The following DNAAF9 variants were observed in gnomAD, a reference collection of about 807,000 sequenced individuals.
The protein encoded by DNAAF9 is dynein axonemal assembly factor 9.
DNAAF9 carries 90 observed loss-of-function variants against 167.0 expected under a neutral mutation model. The observed-to-expected ratio is 0.54, with a 90% CI of 0.45 to 0.64. DNAAF9 has a LOEUF of 0.64. Ranked by LOEUF, DNAAF9 falls within the 30% of genes least tolerant of loss-of-function variation. The pLI, the probability that DNAAF9 is intolerant of heterozygous loss-of-function variation, is 0.00. For synonymous variants in DNAAF9, 491 were observed against 508.8 expected, an observed-to-expected ratio of 0.96 and a Z score of 0.47; for missense variants, 1,315 against 1,442.2, an observed-to-expected ratio of 0.91 and a Z score of 1.43.
chr20:3,294,085 G>T, intron 25 of DNAAF9, 54 bp downstream of exon 25: 7 of 974,678 alleles, frequency 7.2e-6, no homozygotes, highest in Non-Finnish European at 1.2e-5. Context: ...TCAGGGGCAG[G>T]CTCTCAAGAT....
intron 4 of DNAAF9, among the ~76,000 whole-genome samples, chr20:3,375,864 C>T (rs1436791447): frequency 6.6e-6 from 1 of 151,710 alleles, no homozygotes; most frequent in Non-Finnish European, 1.5e-5. Context: ...AAAAAAAAAT[C>T]CCAGGGCAGT....
rs1275787617 is a variant in DNAAF9 at position 3,294,646 on chromosome 20, T to C, written c.2019-17A>G. 5.2e-6 allele frequency: 8 copies of C among 1,531,472 alleles called. No individual in the cohort carries two copies. Among genetic ancestry groups the C allele is most frequent in the South Asian group, 1.1e-5 (1 of 89,486 alleles). The allele number at this position is 1,531,472 out of a possible 1,614,324, so 94.9% of individuals were successfully genotyped here. A position where few individuals can be genotyped will look rare whatever the true frequency, so the allele number is the denominator to read the frequency against. On this transcript the variant is annotated splice_polypyrimidine_tract_variant and intron_variant, in intron 23 of 36. Transcript: ENST00000252032. ...CTGGAGTGCCTGGAATAACAAAAGC[T>C]CACAGATTAGAAGTCCATCTTCCTT...
intron 1 of DNAAF9, among the ~76,000 whole-genome samples, chr20:3,388,067 CA>C (rs901916873): frequency 0.011 from 1,187 of 104,836 alleles, 9 homozygotes; most frequent in African/African-American, 0.034. Flanking sequence ...GACTCTGTCT[CA>C]AAAAAAAAAA....
At position 3,315,050 on chromosome 20, in the gene DNAAF9, T is replaced by C. The variant is rs755743165; in HGVS notation, c.1661A>G (p.Gln554Arg). 1 of 1,608,032 alleles carries C rather than the reference T, an allele frequency of 6.2e-7. No homozygotes were observed. Among genetic ancestry groups the C allele is most frequent in the Admixed American group, 1.7e-5 (1 of 60,008 alleles). Residue 554 changes from glutamine (Q) to arginine (R), a missense_variant, in exon 20 of 37, where the codon CAG (glutamine) becomes CGG (arginine). This residue lies in a region of DNAAF9 where 981 missense variants were observed against 1,012.5 expected (regional missense o/e 0.97). Transcript: ENST00000252032. This position sits in a 1 kb window ranked among gnomAD's most constrained non-coding sequence, Gnocchi z 4.1. ...EGAYLYSSNL[Q>R]SWPEEGNVHF... is the part of the protein sequence containing the mutation. ...CTCCTTACCTTCCTCAGGCCAGGAC[T>C]GTAGATTGCTGGAATAAAGATATGC...
At chr20:3,307,383 AC>A (rs2069317839) in intron 20 of DNAAF9, among the ~76,000 whole-genome samples, 1 of 152,136 alleles carries the variant, frequency 6.6e-6, no homozygotes, top group South Asian at 2.1e-4. Flanking sequence ...CTCAGAGCAC[AC>A]ATGAGATAAG....
intron 4 of DNAAF9, among the ~76,000 whole-genome samples, chr20:3,375,758 G>T (rs1416204710): frequency 1.3e-5 from 2 of 152,028 alleles, no homozygotes; most frequent in Non-Finnish European, 2.9e-5. Context: ...TGAGACAGGA[G>T]AATTGCTTGA....
intron 10 of DNAAF9, among the ~76,000 whole-genome samples, chr20:3,334,574 G>C (rs1002558914): frequency 1.3e-5 from 2 of 152,218 alleles, no homozygotes; most frequent in African/African-American, 4.8e-5. Flanking sequence ...ACCAAAAAGC[G>C]AAATTGCTGG....
Position 3,290,220 on chromosome 20 carries a change from A to C in DNAAF9, c.2239-3T>G. ...CCGGTTACAATGCTGATAATTACCTACATGAAGAAAAAGTCATGGGTTTGC... is the reference window on the plus strand; with the variant it reads ...CCGGTTACAATGCTGATAATTACCTCCATGAAGAAAAAGTCATGGGTTTGC... On this transcript the variant is annotated splice_region_variant and splice_polypyrimidine_tract_variant and intron_variant, in intron 25 of 36. Transcript: ENST00000252032. The C allele has an allele frequency of 1.9e-6, 3 of 1,592,160 alleles. No individual in the cohort carries two copies. The highest frequency in any genetic ancestry group is 2.6e-6 in the Non-Finnish European group (3 of 1,159,944).
rs2069490979 is a variant in DNAAF9, at chr20:3,315,796, A to T, written c.1540-11T>A. 1 of 1,611,326 alleles carries T rather than the reference A, an allele frequency of 6.2e-7. No homozygotes were observed. The highest frequency in any genetic ancestry group is 1.3e-5 in the African/African-American group (1 of 74,878). On this transcript the variant is annotated splice_polypyrimidine_tract_variant and intron_variant, in intron 18 of 36. Transcript: ENST00000252032. This position sits in a 1 kb window ranked among gnomAD's most constrained non-coding sequence, Gnocchi z 4.1. ...TTCATTATCTTCCACCTGTGTCCAA[A>T]AGGAATGCAGATTTTCAGTCAACTA...
intron 1 of DNAAF9, among the ~76,000 whole-genome samples, chr20:3,383,839 C>CTGTG (rs2083696804): frequency 6.7e-6 from 1 of 150,116 alleles, no homozygotes; most frequent in East Asian, 1.9e-4. Flanking sequence ...CACTCTGTCG[C>CTGTG]CCAGGCTGGA....
At chr20:3,321,551 T>C (rs2069616226) in intron 16 of DNAAF9, among the ~76,000 whole-genome samples, 1 of 152,166 alleles carries the variant, frequency 6.6e-6, no homozygotes, top group Non-Finnish European at 1.5e-5. Context: ...TGTAGTTAAT[T>C]TTCTCAGGTT....
chr20:3,377,498 G>A (rs2083591472), intron 3 of DNAAF9, among the ~76,000 whole-genome samples: 1 of 149,418 alleles, frequency 6.7e-6, no homozygotes, highest in Non-Finnish European at 1.5e-5. Flanking sequence ...GTTTCACTCT[G>A]TCACCCAGGC....
intron 4 of DNAAF9, among the ~76,000 whole-genome samples, chr20:3,375,617 T>C (rs541085330): frequency 1.3e-3 from 201 of 152,240 alleles, no homozygotes; most frequent in African/African-American, 4.4e-3. Flanking sequence ...CCCAGAACTT[T>C]GGGAGGCTGA....
intron 6 of DNAAF9, among the ~76,000 whole-genome samples, chr20:3,371,930 A>G (rs1568634455): frequency 1.3e-5 from 2 of 152,308 alleles, no homozygotes; most frequent in East Asian, 3.9e-4. Flanking sequence ...ACGCCCTAGC[A>G]GAGGAACTTC....
At chr20:3,359,684 G>A in intron 6 of DNAAF9, 91 bp from the exon 7 acceptor site, 2 of 863,298 alleles carry the variant, frequency 2.3e-6, no homozygotes, top group Admixed American at 2.4e-5. Context: ...TGACTCTTTT[G>A]GTATAAACTA....
In DNAAF9 at chr20:3,249,393, A is replaced by G. The variant is rs1855772039; in HGVS notation, c.*3179T>C. 1 of 152,280 alleles carries G rather than the reference A, an allele frequency of 6.6e-6. No homozygotes were observed. The highest frequency in any genetic ancestry group is 1.5e-5 in the Non-Finnish European group (1 of 68,054). 9.4% of individuals were successfully genotyped at this position (152,280 alleles called of 1,614,324 possible). ...ACACAACTGCAGGTAAAAACATGTA[A>G]AATAATATAAAAATAAATTGAAGGC... On this transcript the variant is annotated 3_prime_UTR_variant, in exon 37 of 37. Transcript: ENST00000252032.
In DNAAF9 at chr20:3,298,129, G is replaced by A. The variant is rs747374847; in HGVS notation, c.1829C>T (p.Ser610Leu). Residue 610 changes from serine (S) to leucine (L), a missense_variant, in exon 22 of 37, where the codon TCA (serine) becomes TTA (leucine). By Grantham distance (145) the Ser-to-Leu change is moderately radical. This residue lies in a region of DNAAF9 where 981 missense variants were observed against 1,012.5 expected (regional missense o/e 0.97). Coordinates refer to ENST00000252032, the MANE Select transcript of DNAAF9 (RefSeq NM_001009984.3). ...ATGAACTGGGAGGTGAGGAAGCAATGAGCTTTTGAAGTCTATGAGAAGAGC... is the reference window on the plus strand; with the variant it reads ...ATGAACTGGGAGGTGAGGAAGCAATAAGCTTTTGAAGTCTATGAGAAGAGC... ...VAALLIDFKS[S>L]LLPHLPVHFH... 3.7e-5 allele frequency: 59 copies of A among 1,613,448 alleles called. No individual in the cohort carries two copies. The highest frequency in any genetic ancestry group is 4.5e-5 in the Non-Finnish European group (53 of 1,179,456).
At chr20:3,344,429 T>C (rs541577239) in intron 8 of DNAAF9, among the ~76,000 whole-genome samples, 2 of 152,262 alleles carry the variant, frequency 1.3e-5, no homozygotes, top group African/African-American at 4.8e-5. Context: ...ACCTATAATG[T>C]CTAAAAACTA....
chr20:3,340,433 T>TCCGGGGGGGGGGCCCCCCCCCC, intron 10 of DNAAF9, 71 bp downstream of exon 10: 3 of 223,206 alleles, frequency 1.3e-5, no homozygotes, highest in Admixed American at 5.5e-5. Context: ...TTTGTCTAGC[T>TCCGGGGGGGGGGCCCCCCCCCC]CCCCCCACCC....
Sources: allele counts gnomAD v4.1 joint callset (sites outside exome capture counted in the v4.1 genomes callset), GRCh38; gene constraint gnomAD v4.1.1; regional missense constraint gnomAD v4.1.1; non-coding constraint Gnocchi (gnomAD v3.1); transcripts MANE v1.5; gene names NCBI Gene and HGNC (gene_info 2026-07-23, HGNC 2026-07-21).